BABAM2: variants seen among roughly 807,000 people sequenced by gnomAD.
BABAM2 encodes the protein BRISC and BRCA1 A complex member 2, also known as BRISC and BRCA1-A complex member 2.
In BABAM2, 31 loss-of-function variants were observed where a neutral mutation model predicts 54.7. The observed-to-expected ratio is 0.57, with a 90% CI of 0.43 to 0.77. The LOEUF is 0.77. Among genes scored for constraint, BABAM2 ranks in the 30% least tolerant of loss-of-function variants. The pLI, the probability that BABAM2 is intolerant of heterozygous loss-of-function variation, is 0.00. For synonymous variants in BABAM2, 167 were observed against 162.9 expected, an observed-to-expected ratio of 1.03 and a Z score of -0.19; for missense variants, 364 against 455.8, an observed-to-expected ratio of 0.80 and a Z score of 1.83.
chr2:27,952,578 C>A (rs1220460956), intron 3 of BABAM2, among the ~76,000 whole-genome samples: 1 of 152,116 alleles, frequency 6.6e-6, no homozygotes, highest in Admixed American at 6.5e-5. Flanking sequence ...TTGAACTATT[C>A]TTTTTCTTTA....
chr2:28,058,141 C>CAAAAAAAAAAAAAAAA (rs577500237), intron 6 of BABAM2, among the ~76,000 whole-genome samples: 1 of 133,308 alleles, frequency 7.5e-6, no homozygotes, highest in African/African-American at 2.8e-5. Flanking sequence ...GAGACTGTCT[C>CAAAAAAAAAAAAAAAA]AAAAAAAAAA....
rs540701072 is a variant in BABAM2, at chr2:28,072,490, A to G, written c.570+26691A>G. On this transcript the variant is annotated intron_variant, in intron 6 of 11. Transcript: ENST00000379624. The stretch of plus-strand genomic sequence containing the variant: ...AAGCTCCGCTTCCCGGGTTCATGCC[A>G]TTCTCCTGCCTCAGCCTCCCAAGTA... 3.3e-4 allele frequency among the ~76,000 whole-genome samples: 50 copies of G among 150,814 alleles called. 1 individual carries two copies. Among genetic ancestry groups the G allele is most frequent in the African/African-American group, 1.1e-3 (47 of 40,960 alleles).
At chr2:28,244,937 A>G (rs1484016394) in intron 10 of BABAM2, 75 bp downstream of exon 10, 14 of 1,287,912 alleles carry the variant, frequency 1.1e-5, no homozygotes, top group African/African-American at 4.4e-5. Context: ...AATCAGTACT[A>G]GAACCTTTTC....
chr2:28,014,947 C>T (rs1429174684), intron 4 of BABAM2, among the ~76,000 whole-genome samples: 1 of 152,152 alleles, frequency 6.6e-6, no homozygotes, highest in Non-Finnish European at 1.5e-5. Flanking sequence ...CTTTCCCAAG[C>T]CAAAGCGTAA....
At chr2:28,170,238 T>C (rs1264058655) in intron 7 of BABAM2, among the ~76,000 whole-genome samples, 3 of 152,088 alleles carry the variant, frequency 2.0e-5, no homozygotes, top group African/African-American at 7.2e-5. Context: ...ATAAATAATA[T>C]ATACATGCAT....
chr2:28,328,590 C>T (rs1351753087), intron 11 of BABAM2, among the ~76,000 whole-genome samples: 1 of 152,166 alleles, frequency 6.6e-6, no homozygotes, highest in East Asian at 1.9e-4. Flanking sequence ...AATTCAAGTC[C>T]TGTTTTGGAA....
At chr2:28,323,227 G>A (rs1227621965) in intron 11 of BABAM2, among the ~76,000 whole-genome samples, 1 of 152,196 alleles carries the variant, frequency 6.6e-6, no homozygotes, top group African/African-American at 2.4e-5. Flanking sequence ...ATATTTAGTT[G>A]TCTGCTGATT....
At chr2:27,989,220 G>C (rs1017833947) in intron 4 of BABAM2, among the ~76,000 whole-genome samples, 2 of 152,098 alleles carry the variant, frequency 1.3e-5, no homozygotes, top group African/African-American at 2.4e-5. Context: ...AAATGACACA[G>C]AGATTTCACC....
intron 7 of BABAM2, among the ~76,000 whole-genome samples, chr2:28,149,313 CTGG>C (rs1441245098): frequency 6.6e-6 from 1 of 152,166 alleles, no homozygotes; most frequent in Admixed American, 6.5e-5. Flanking sequence ...GAACCTTCAC[CTGG>C]TGTCCTAATC....
intron 3 of BABAM2, among the ~76,000 whole-genome samples, chr2:27,956,870 A>G (rs764981079): frequency 7.2e-5 from 11 of 152,210 alleles, no homozygotes; most frequent in Non-Finnish European, 1.3e-4. Flanking sequence ...TTATTACAGA[A>G]TGATGAGTAT....
At chr2:28,296,175 A>T (rs1687679746) in intron 10 of BABAM2, among the ~76,000 whole-genome samples, 1 of 152,220 alleles carries the variant, frequency 6.6e-6, no homozygotes, top group Admixed American at 6.5e-5. Flanking sequence ...GAAAAGATAC[A>T]AAGTTAATTT....
chr2:28,106,787 C>G (rs777509616), intron 6 of BABAM2, among the ~76,000 whole-genome samples: 1 of 152,122 alleles, frequency 6.6e-6, no homozygotes, highest in African/African-American at 2.4e-5. Context: ...CCCAAATATC[C>G]TATTTTTTAT....
At chr2:28,187,268 C>G (rs1268608355) in intron 7 of BABAM2, among the ~76,000 whole-genome samples, 2 of 152,260 alleles carry the variant, frequency 1.3e-5, no homozygotes, top group Non-Finnish European at 2.9e-5. Flanking sequence ...CTATTAAGCT[C>G]CTAGAGACCC....
intron 7 of BABAM2, among the ~76,000 whole-genome samples, chr2:28,136,264 T>C (rs1189576733): frequency 4.6e-5 from 7 of 152,228 alleles, no homozygotes; most frequent in African/African-American, 1.7e-4. Context: ...CCATGGAACA[T>C]TTCCTGACCG....
chr2:28,254,597 C>T (rs748243204), intron 10 of BABAM2, among the ~76,000 whole-genome samples: 1 of 151,926 alleles, frequency 6.6e-6, no homozygotes, highest in Non-Finnish European at 1.5e-5. Context: ...TCACCCATAT[C>T]GCAGTTTGAA....
At position 28,021,747 on chromosome 2, in the gene BABAM2, C is replaced by G. The variant is rs147101661; in HGVS notation, c.301-3479C>G. Among the ~76,000 whole-genome samples the G allele has an allele frequency of 3.5e-3, 533 of 152,130 alleles. 1 individual carries two copies. The highest frequency in any genetic ancestry group is 0.012 in the African/African-American group (509 of 41,500). On this transcript the variant is annotated intron_variant, in intron 4 of 11. Transcript: ENST00000379624. ...CCTTTTATTAGTTGAACATTTTTATCATAAGATTAATTTCATTAAATAATT... is the reference window on the plus strand; with the variant it reads ...CCTTTTATTAGTTGAACATTTTTATGATAAGATTAATTTCATTAAATAATT...
intron 7 of BABAM2, among the ~76,000 whole-genome samples, chr2:28,160,896 A>G (rs1219203951): frequency 2.0e-5 from 3 of 152,196 alleles, no homozygotes; most frequent in African/African-American, 7.2e-5. Context: ...AGTTGTCAGA[A>G]AGTACATGGA....
At chr2:28,066,000 A>T (rs1000238434) in intron 6 of BABAM2, among the ~76,000 whole-genome samples, 2 of 148,836 alleles carry the variant, frequency 1.3e-5, no homozygotes, top group Non-Finnish European at 3.0e-5. Flanking sequence ...AAAAAAAAAA[A>T]TTACAAAAAT....
chr2:28,117,007 G>A (rs924320714), intron 6 of BABAM2, among the ~76,000 whole-genome samples: 5 of 152,140 alleles, frequency 3.3e-5, no homozygotes, highest in African/African-American at 1.2e-4. Context: ...TTTAGCATTG[G>A]CACCTCTGAT....
Sources: gnomAD v4.1 joint callset for allele counts (sites outside exome capture counted in the v4.1 genomes callset) on GRCh38, gnomAD v4.1.1 for gene constraint, MANE v1.5 for transcripts, NCBI Gene and HGNC (gene_info 2026-07-23, HGNC 2026-07-21) for gene names.